HOMER1: variants seen among roughly 807,000 people sequenced by gnomAD.
HOMER1 encodes the protein homer protein homolog 1.
A neutral mutation model predicts 48.9 loss-of-function variants in HOMER1; 3 were observed. The ratio of observed to expected loss-of-function variants is 0.06; its 90% CI spans 0.03 to 0.16. The LOEUF is 0.16. HOMER1 is among the 10% of genes least tolerant of loss of function. The pLI is 1.00. For missense variants in HOMER1, 247 were observed against 411.4 expected (o/e 0.60, Z 3.46); for synonymous variants, 134 against 146.4 (o/e 0.92, Z 0.61).
chr5:79,474,781 G>T (rs1295589924), intron 1 of HOMER1, among the ~76,000 whole-genome samples: 3 of 152,074 alleles, frequency 2.0e-5, no homozygotes, highest in South Asian at 4.1e-4. Flanking sequence ...GAAACTGAAA[G>T]GTTACAGATC....
chr5:79,484,832 A>G (rs1752051378), intron 1 of HOMER1, among the ~76,000 whole-genome samples: 1 of 152,154 alleles, frequency 6.6e-6, no homozygotes, highest in South Asian at 2.1e-4. Context: ...ACTGCACACA[A>G]TATCTGTTAA....
chr5:79,379,494 ATATT>A (rs1026506854), intron 8 of HOMER1, among the ~76,000 whole-genome samples: 197 of 130,386 alleles, frequency 1.5e-3, no homozygotes, highest in African/African-American at 5.5e-3. Context: ...AAATATATAA[ATATT>A]TATATACATT....
At chr5:79,429,723 T>C (rs76914115) in intron 5 of HOMER1, among the ~76,000 whole-genome samples, 3,709 of 152,288 alleles carry the variant, frequency 0.024, 150 homozygotes, top group African/African-American at 0.084. Flanking sequence ...ATTAGACTTA[T>C]TTAAAAATTT....
chr5:79,452,601 G>A (rs1032230808), intron 2 of HOMER1, among the ~76,000 whole-genome samples: 1 of 151,994 alleles, frequency 6.6e-6, no homozygotes, highest in Non-Finnish European at 1.5e-5. Flanking sequence ...TGTTTACCAT[G>A]TGAACAACAG....
chr5:79,375,994 G>A lies in HOMER1; in HGVS notation c.*15C>T, dbSNP rs531389379. The A allele has an allele frequency of 1.3e-5, 21 of 1,567,430 alleles. No individual in the cohort carries two copies. The Admixed American group carries it at 1.4e-4, about 10-fold the overall frequency. ...GTGTATCTTTTAATTAATTGGCACT[G>A]AAATTTCACTTTCCTTAGCTGCATT... On this transcript the variant is annotated 3_prime_UTR_variant, in exon 9 of 9. Coordinates refer to ENST00000334082, the MANE Select transcript of HOMER1 (RefSeq NM_004272.5).
intron 1 of HOMER1, chr5:79,510,516 G>A (rs1441365579): frequency 2.7e-6 from 2 of 728,272 alleles, no homozygotes; most frequent in African/African-American, 3.5e-5. Context: ...GAAGCACAAA[G>A]ATACGAATCT....
intron 1 of HOMER1, among the ~76,000 whole-genome samples, chr5:79,472,743 T>C (rs1580006746): frequency 6.6e-6 from 1 of 152,056 alleles, no homozygotes; most frequent in South Asian, 2.1e-4. Flanking sequence ...TGTGCCACTA[T>C]ACTCCAGCCT....
chr5:79,401,535 T>C (rs1206281327), intron 6 of HOMER1, among the ~76,000 whole-genome samples: 1 of 152,178 alleles, frequency 6.6e-6, no homozygotes, highest in Non-Finnish European at 1.5e-5. Flanking sequence ...CACCCAAAGC[T>C]AAAATTCTAA....
intron 1 of HOMER1, among the ~76,000 whole-genome samples, chr5:79,459,924 AAT>A (rs1268014064): frequency 6.6e-6 from 1 of 152,212 alleles, no homozygotes; most frequent in Non-Finnish European, 1.5e-5. Context: ...AGAATGAAAA[AAT>A]AGAGAATGAA....
At chr5:79,506,774 C>T (rs9968772) in intron 1 of HOMER1, among the ~76,000 whole-genome samples, 4,014 of 152,116 alleles carry the variant, frequency 0.026, 167 homozygotes, top group African/African-American at 0.092. Context: ...GAGGTCAAGG[C>T]TGCAGTAAGC....
At chr5:79,476,671 A>G (rs974139749) in intron 1 of HOMER1, among the ~76,000 whole-genome samples, 13 of 152,166 alleles carry the variant, frequency 8.5e-5, no homozygotes, top group African/African-American at 3.1e-4. Context: ...TGGGCAAAGT[A>G]TGGGGGAAAG....
intron 1 of HOMER1, among the ~76,000 whole-genome samples, chr5:79,500,239 A>T (rs1033717442): frequency 1.3e-5 from 2 of 152,066 alleles, no homozygotes. Context: ...GATTACTATT[A>T]AAAAAAACCA....
chr5:79,481,713 A>G (rs59028763), intron 1 of HOMER1, among the ~76,000 whole-genome samples: 12,211 of 152,210 alleles, frequency 0.08, 1,094 homozygotes, highest in East Asian at 0.23. Flanking sequence ...ATAAAACCAG[A>G]AACAGTTCAT....
intron 1 of HOMER1, among the ~76,000 whole-genome samples, chr5:79,474,957 C>T (rs1751721502): frequency 6.6e-6 from 1 of 152,216 alleles, no homozygotes; most frequent in African/African-American, 2.4e-5. Flanking sequence ...TACTCAACAA[C>T]AACTTCCATC....
intron 1 of HOMER1, among the ~76,000 whole-genome samples, chr5:79,487,972 T>G (rs1752159898): frequency 6.6e-6 from 1 of 152,166 alleles, no homozygotes; most frequent in Non-Finnish European, 1.5e-5. Context: ...TGAAGCCAGG[T>G]GATGAATGTA....
intron 1 of HOMER1, among the ~76,000 whole-genome samples, chr5:79,469,604 ATTTTAT>A (rs1419601433): frequency 6.6e-6 from 1 of 151,926 alleles, no homozygotes; most frequent in African/African-American, 2.4e-5. Context: ...GTTTCATATT[ATTTTAT>A]TTTTATCTGT....
chr5:79,376,605 T>A (rs1748778473), intron 8 of HOMER1, among the ~76,000 whole-genome samples: 1 of 152,160 alleles, frequency 6.6e-6, no homozygotes, highest in African/African-American at 2.4e-5. Context: ...AAAAAGAAAT[T>A]AACTTTTTCT....
intron 5 of HOMER1, among the ~76,000 whole-genome samples, chr5:79,415,591 T>A (rs555064052): frequency 2.4e-3 from 360 of 152,316 alleles, no homozygotes; most frequent in African/African-American, 8.3e-3. Context: ...ATAGTCATAG[T>A]TTAATTGACG....
chr5:79,438,548 C>T lies in HOMER1; in HGVS notation c.527+462G>A, dbSNP rs539387997. ...ATCCCACTGTTTCCTTCTGTGAAATCACGTGGTGAGATCATCTCAAAGACT... is the reference window on the plus strand; with the variant it reads ...ATCCCACTGTTTCCTTCTGTGAAATTACGTGGTGAGATCATCTCAAAGACT... On this transcript the variant is annotated intron_variant, in intron 5 of 8. Coordinates refer to ENST00000334082, the MANE Select transcript of HOMER1 (RefSeq NM_004272.5). Among the ~76,000 whole-genome samples, 25 of 152,234 alleles carry T rather than the reference C, an allele frequency of 1.6e-4. 1 individual carries two copies. The South Asian group carries it at 4.4e-3, about 26-fold the overall frequency.
Sources: gnomAD v4.1 joint callset for allele counts (sites outside exome capture counted in the v4.1 genomes callset) on GRCh38, gnomAD v4.1.1 for gene constraint, MANE v1.5 for transcripts, NCBI Gene and HGNC (gene_info 2026-07-23, HGNC 2026-07-21) for gene names.